The following OPRM1 variants were observed in gnomAD, a reference collection of about 807,000 sequenced individuals.
OPRM1 encodes mu-type opioid receptor.
A neutral mutation model predicts 31.8 loss-of-function variants in OPRM1; 27 were observed. That is an observed-to-expected ratio of 0.85 (90% CI 0.63 to 1.17). OPRM1 has a LOEUF of 1.17. Among genes scored for constraint, OPRM1 ranks in the 50% most tolerant of loss-of-function variants. OPRM1 has a pLI of 0.00. For missense variants in OPRM1, 536 were observed against 511.1 expected (o/e 1.05, Z -0.47); for synonymous variants, 196 against 189.9 (o/e 1.03, Z -0.26).
At chr6:154,229,475 G>A (rs1583855598) in intron 3 of OPRM1, among the ~76,000 whole-genome samples, 2 of 149,176 alleles carry the variant, frequency 1.3e-5, no homozygotes, top group African/African-American at 4.9e-5. Flanking sequence ...TCAGCCTCCC[G>A]AGTAGCTGGG....
chr6:154,191,363 T>C (rs7452342), intron 3 of OPRM1, among the ~76,000 whole-genome samples: 102,809 of 151,844 alleles, frequency 0.68, 35,501 homozygotes, highest in East Asian at 0.89. Context: ...TAGAACTGTA[T>C]GACATAACGA....
chr6:154,131,005 A>G lies in OPRM1; in HGVS notation c.*12284A>G, dbSNP rs536008214. Among the ~76,000 whole-genome samples the G allele has an allele frequency of 6.6e-6, 1 of 152,284 alleles. No individual in the cohort carries two copies. The highest frequency in any genetic ancestry group is 2.1e-4 in the South Asian group (1 of 4,832). ...CAGATTTATTTTAAAAAATTGAAAA[A>G]CTACTCTGTCAAACATAGCAAATAG... On this transcript the variant is annotated 3_prime_UTR_variant, in exon 4 of 4. Coordinates refer to ENST00000330432, the MANE Select transcript of OPRM1 (RefSeq NM_000914.5).
At chr6:154,147,060 T>A (rs924515904) in intron 3 of OPRM1, among the ~76,000 whole-genome samples, 1 of 152,142 alleles carries the variant, frequency 6.6e-6, no homozygotes, top group African/African-American at 2.4e-5. Context: ...TATTGGTCAC[T>A]GGCTGCTGAG....
Position 154,164,658 on chromosome 6 carries a change from C to T in OPRM1, c.1164+73186C>T, listed in dbSNP as rs187933091. The stretch of plus-strand genomic sequence containing the variant: ...TACTCCAAATAGTCAGTGTGTGGCT[C>T]GACTCAAGACCTAAGCATTGGAAAT... On this transcript the variant is annotated intron_variant, in intron 3 of 3. Transcript: ENST00000337049. Among the ~76,000 whole-genome samples the T allele has an allele frequency of 1.2e-4, 18 of 152,246 alleles. No homozygotes were observed. In the East Asian group the frequency reaches 3.3e-3, roughly 28 times the overall value.
At chr6:154,244,435 C>T (rs529331534) in intron 3 of OPRM1, among the ~76,000 whole-genome samples, 20 of 152,110 alleles carry the variant, frequency 1.3e-4, no homozygotes, top group African/African-American at 3.6e-4. Context: ...AGCCAGATAG[C>T]GGCAAGCTTA....
Position 154,124,535 on chromosome 6 carries a change from A to G in OPRM1, c.*5814A>G, listed in dbSNP as rs951496916. On this transcript the variant is annotated 3_prime_UTR_variant, in exon 4 of 4. Transcript: ENST00000330432. ...TCCTAGGAATCGCATACCTACGGAA[A>G]ACAGTCCTCTGACCTCCTGTGACAC... Among the ~76,000 whole-genome samples the G allele has an allele frequency of 1.6e-4, 24 of 152,184 alleles. No individual in the cohort carries two copies. Among genetic ancestry groups the G allele is most frequent in the African/African-American group, 5.8e-4 (24 of 41,434 alleles).
chr6:154,144,788 ACCAAGTGGAATTTATT>A (rs1329220075), intron 3 of OPRM1, among the ~76,000 whole-genome samples: 2 of 151,168 alleles, frequency 1.3e-5, no homozygotes, highest in African/African-American at 4.9e-5. Context: ...ATACACCATG[ACCAAGTGGAATTTATT>A]CCAAGGAAGC....
chr6:154,052,763 G>A (rs949590316), intron 1 of OPRM1, among the ~76,000 whole-genome samples: 1 of 152,122 alleles, frequency 6.6e-6, no homozygotes, highest in Non-Finnish European at 1.5e-5. Context: ...ACTACATGAA[G>A]GCAAAACATT....
At chr6:154,142,578 G>A (rs1798247437) in intron 3 of OPRM1, among the ~76,000 whole-genome samples, 1 of 152,138 alleles carries the variant, frequency 6.6e-6, no homozygotes, top group African/African-American at 2.4e-5. Context: ...TAGTCGACCA[G>A]AATATAAAAT....
At chr6:154,076,272 A>T (rs1787872000) in intron 1 of OPRM1, among the ~76,000 whole-genome samples, 1 of 152,202 alleles carries the variant, frequency 6.6e-6, no homozygotes, top group Non-Finnish European at 1.5e-5. Context: ...GGTAGTCAAA[A>T]TGTAATACTC....
At chr6:154,199,951 G>T (rs776110189) in intron 3 of OPRM1, 2 of 1,614,176 alleles carry the variant, frequency 1.2e-6, no homozygotes, top group South Asian at 1.1e-5. Context: ...AAGGAAAACT[G>T]CTGGGTGTCT....
intron 3 of OPRM1, among the ~76,000 whole-genome samples, chr6:154,109,838 T>C (rs1031831828): frequency 1.4e-5 from 2 of 144,526 alleles, no homozygotes; most frequent in Middle Eastern, 3.4e-3. Flanking sequence ...GTGTGTTGCA[T>C]ACATACACAT....
chr6:154,101,788 T>G (rs978855224), intron 3 of OPRM1, among the ~76,000 whole-genome samples: 1 of 152,168 alleles, frequency 6.6e-6, no homozygotes, highest in Non-Finnish European at 1.5e-5. Context: ...AGTTTTCAAA[T>G]AGAGTTTAAG....
rs17174794 is a variant in OPRM1, at chr6:154,089,975, C to T, written c.440C>T (p.Ser147Phe). The T allele has an allele frequency of 6.2e-7, 1 of 1,613,372 alleles. No individual in the cohort carries two copies. Among genetic ancestry groups the T allele is most frequent in the Non-Finnish European group, 8.5e-7 (1 of 1,179,294 alleles). Residue 147 changes from serine to phenylalanine, a missense_variant, in exon 2 of 4, where the codon TCC becomes TTC. Physicochemically the swap from Ser to Phe is radical, Grantham distance 155. Coordinates refer to ENST00000330432, the MANE Select transcript of OPRM1 (RefSeq NM_000914.5). The stretch of plus-strand genomic sequence containing the variant: ...ACCATCCTTTGCAAGATAGTGATCT[C>T]CATAGATTACTATAACATGTTCACC... Reference protein sequence around the residue: ...FGTILCKIVISIDYYNMFTSI... With the variant: ...FGTILCKIVIFIDYYNMFTSI...
intron 3 of OPRM1, chr6:154,223,290 G>A: frequency 5.8e-6 from 8 of 1,373,112 alleles, no homozygotes; most frequent in Non-Finnish European, 8.2e-6. Context: ...ATCAATCCTG[G>A]GGATTAGTGC....
Position 154,090,616 on chromosome 6 carries a change from G to A in OPRM1, c.644-336G>A, listed in dbSNP as rs116736311. On this transcript the variant is annotated intron_variant, in intron 2 of 3. Coordinates refer to ENST00000330432, the MANE Select transcript of OPRM1 (RefSeq NM_000914.5). ...GTGAAAACATCCATTACCTGGAGCC[G>A]CCTAGAGACTTTGGACAATTATTAC... 6.8e-3 allele frequency among the ~76,000 whole-genome samples: 1,034 copies of A among 152,194 alleles called. 8 individuals carry two copies. The highest frequency in any genetic ancestry group is 0.024 in the African/African-American group (989 of 41,504).
intron 1 of OPRM1, among the ~76,000 whole-genome samples, chr6:154,019,747 C>CTTTTCTTTTTTTTTTTTTTT (rs61209522): frequency 4.1e-5 from 5 of 122,016 alleles, no homozygotes; most frequent in African/African-American, 1.7e-4. Flanking sequence ...CTTTTCTTTT[C>CTTTTCTTTTTTTTTTTTTTT]TTTTTTTTTT....
At chr6:154,215,716 C>G (rs1003031701) in intron 3 of OPRM1, among the ~76,000 whole-genome samples, 3 of 152,126 alleles carry the variant, frequency 2.0e-5, no homozygotes, top group African/African-American at 7.2e-5. Context: ...ACATAATAAT[C>G]ACAAACTCCT....
At chr6:154,060,520 C>A (rs1784186476) in intron 1 of OPRM1, among the ~76,000 whole-genome samples, 1 of 152,144 alleles carries the variant, frequency 6.6e-6, no homozygotes. Flanking sequence ...CCAGTCCATT[C>A]CATATTCTTT....
Sources: allele counts gnomAD v4.1 joint callset (sites outside exome capture counted in the v4.1 genomes callset), GRCh38; gene constraint gnomAD v4.1.1; transcripts MANE v1.5; gene names NCBI Gene and HGNC (gene_info 2026-07-23, HGNC 2026-07-21).